The following CPNE4 variants were observed in gnomAD, a reference collection of about 807,000 sequenced individuals.
The protein encoded by CPNE4 is copine-4.
CPNE4 carries 25 observed loss-of-function variants against 67.9 expected under a neutral mutation model. That is an observed-to-expected ratio of 0.37 (90% CI 0.27 to 0.51). The LOEUF is 0.51. Among genes scored for constraint, CPNE4 ranks in the 20% least tolerant of loss-of-function variants. The pLI is 0.93. For synonymous variants in CPNE4, 242 were observed against 244.9 expected, an observed-to-expected ratio of 0.99 and a Z score of 0.11; for missense variants, 464 against 690.8, an observed-to-expected ratio of 0.67 and a Z score of 3.68.
chr3:131,937,365 A>G (rs4854858), intron 1 of CPNE4, among the ~76,000 whole-genome samples: 22,584 of 152,172 alleles, frequency 0.15, 2,244 homozygotes, highest in East Asian at 0.31. Context: ...CAATATAGCA[A>G]CACTTGCAAG....
At chr3:131,724,268 T>C (rs944560757) in intron 2 of CPNE4, among the ~76,000 whole-genome samples, 3 of 152,134 alleles carry the variant, frequency 2.0e-5, no homozygotes, top group African/African-American at 7.2e-5. Context: ...ATGCCCTTTA[T>C]TAAGTGTATA....
intron 2 of CPNE4, among the ~76,000 whole-genome samples, chr3:131,751,006 A>G (rs1913287): frequency 0.47 from 71,758 of 151,938 alleles, 17,272 homozygotes; most frequent in African/African-American, 0.57. Context: ...TTGATGAGAA[A>G]TCTGCTGTCA....
At chr3:131,854,519 T>A (rs776094234) in intron 2 of CPNE4, among the ~76,000 whole-genome samples, 18 of 152,000 alleles carry the variant, frequency 1.2e-4, no homozygotes, top group Middle Eastern at 3.4e-3. Flanking sequence ...TGGACAAAAT[T>A]TTTATATGCA....
chr3:131,704,649 C>T (rs2081376565), intron 3 of CPNE4, among the ~76,000 whole-genome samples: 1 of 152,292 alleles, frequency 6.6e-6, no homozygotes, highest in East Asian at 1.9e-4. Flanking sequence ...TATTCTGTGA[C>T]AGATGATATG....
chr3:131,975,056 T>A (rs1222114018), intron 1 of CPNE4, among the ~76,000 whole-genome samples: 3 of 151,994 alleles, frequency 2.0e-5, no homozygotes, highest in Non-Finnish European at 4.4e-5. Context: ...CAGAGAACCA[T>A]CAAATTTTTT....
chr3:131,754,297 C>G (rs1461013483), intron 2 of CPNE4, among the ~76,000 whole-genome samples: 2 of 150,770 alleles, frequency 1.3e-5, no homozygotes, highest in East Asian at 1.9e-4. Context: ...GGTTATATTC[C>G]AAGTTATTTA....
intron 3 of CPNE4, among the ~76,000 whole-genome samples, chr3:131,717,440 C>G (rs1273353968): frequency 6.6e-6 from 1 of 152,142 alleles, no homozygotes; most frequent in African/African-American, 2.4e-5. Flanking sequence ...CAGCTATCAC[C>G]TATAGGGATT....
chr3:131,586,734 G>A (rs113811621), intron 8 of CPNE4, among the ~76,000 whole-genome samples: 4,300 of 131,804 alleles, frequency 0.033, 181 homozygotes, highest in African/African-American at 0.12. Flanking sequence ...CTATCTGTCT[G>A]TCTGTCTGTC....
rs563355945 is a variant in CPNE4, at chr3:131,890,820, A to T, written c.180+14444T>A. The stretch of plus-strand genomic sequence containing the variant: ...CTGGAAGACATTATGGAACAGAAAG[A>T]TATGATGCTAAGTGAAATAAGCCAG... On this transcript the variant is annotated intron_variant, in intron 2 of 15. Transcript: ENST00000429747. Among the ~76,000 whole-genome samples the T allele has an allele frequency of 2.6e-5, 4 of 152,296 alleles. No individual in the cohort carries two copies. The South Asian group carries it at 8.3e-4, about 32-fold the overall frequency.
Position 131,856,945 on chromosome 3 carries a change from T to A in CPNE4, c.180+48319A>T, listed in dbSNP as rs567282140. On this transcript the variant is annotated intron_variant, in intron 2 of 15. Transcript: ENST00000429747. ...TTGTGCTCTTCCCCATGATGATATA[T>A]GATTTCATTCATTCAGTGGAATAAG... 5.9e-5 allele frequency among the ~76,000 whole-genome samples: 9 copies of A among 152,158 alleles called. No individual in the cohort carries two copies. The South Asian group carries it at 1.2e-3, about 21-fold the overall frequency.
chr3:131,659,480 G>C (rs16837395), intron 7 of CPNE4, among the ~76,000 whole-genome samples: 67,969 of 152,050 alleles, frequency 0.45, 15,757 homozygotes, highest in African/African-American at 0.56. Context: ...GAAATGTCCA[G>C]CCAGATAATA....
intron 6 of CPNE4, among the ~76,000 whole-genome samples, chr3:131,671,230 T>A (rs2080405731): frequency 6.6e-6 from 1 of 152,234 alleles, no homozygotes; most frequent in South Asian, 2.1e-4. Context: ...GGAGAAATAA[T>A]GTTTCTGTGT....
At chr3:131,667,804 G>A (rs1451765193) in intron 7 of CPNE4, among the ~76,000 whole-genome samples, 1 of 152,010 alleles carries the variant, frequency 6.6e-6, no homozygotes, top group East Asian at 1.9e-4. Flanking sequence ...TTCAATTACA[G>A]ATGACCCTCT....
At chr3:131,867,242 C>A (rs968347270) in intron 2 of CPNE4, among the ~76,000 whole-genome samples, 2 of 152,032 alleles carry the variant, frequency 1.3e-5, no homozygotes, top group African/African-American at 4.8e-5. Context: ...GAACTGCCTT[C>A]CCTCACCCGC....
chr3:131,700,854 T>A (rs561004538), intron 3 of CPNE4, among the ~76,000 whole-genome samples: 4 of 151,840 alleles, frequency 2.6e-5, no homozygotes, highest in African/African-American at 7.3e-5. Flanking sequence ...CAAATGTCCA[T>A]CAATGATAGA....
intron 2 of CPNE4, among the ~76,000 whole-genome samples, chr3:131,744,377 CT>C (rs1243484366): frequency 2.2e-5 from 3 of 137,908 alleles, no homozygotes; most frequent in East Asian, 2.1e-4. Context: ...TTTAGTGAAA[CT>C]TTTTATTTTG....
At position 132,034,802 on chromosome 3, in the gene CPNE4, C is replaced by A; in HGVS notation, c.-237G>T. The A allele has an allele frequency of 1.0e-6, 1 of 985,334 alleles. No homozygotes were observed. Among genetic ancestry groups the A allele is most frequent in the Non-Finnish European group, 1.2e-6 (1 of 830,104 alleles). 61.0% of individuals were successfully genotyped at this position (985,334 alleles called of 1,614,324 possible). On this transcript the variant is annotated 5_prime_UTR_variant, in exon 1 of 16. Coordinates refer to ENST00000429747, the MANE Select transcript of CPNE4 (RefSeq NM_130808.3). ...TCTCTCCGGAAACCCTGACTCCATT[C>A]TCGGTGATGGGGGTGGGGGAAGAGG... is the stretch of plus-strand genomic sequence containing the variant.
chr3:132,035,863 TGTGTTACATCTAAC>T (rs2074330510), upstream of CPNE4, among the ~76,000 whole-genome samples: 1 of 152,080 alleles, frequency 6.6e-6, no homozygotes, highest in Non-Finnish European at 1.5e-5. Flanking sequence ...TGGTATAGAG[TGTGTTACATCTAAC>T]GTGGAGGGGA....
At chr3:131,831,299 A>G (rs901876380) in intron 2 of CPNE4, among the ~76,000 whole-genome samples, 4 of 152,180 alleles carry the variant, frequency 2.6e-5, no homozygotes, top group African/African-American at 4.8e-5. Flanking sequence ...AAGAATTTCT[A>G]GCATCACATC....
Sources: gnomAD v4.1 joint callset for allele counts (sites outside exome capture counted in the v4.1 genomes callset) on GRCh38, gnomAD v4.1.1 for gene constraint, MANE v1.5 for transcripts, NCBI Gene and HGNC (gene_info 2026-07-23, HGNC 2026-07-21) for gene names.